WDR70: variants seen among roughly 807,000 people sequenced by gnomAD.
WDR70 encodes WD repeat-containing protein 70.
In WDR70, 53 loss-of-function variants were observed where a neutral mutation model predicts 88.6. The ratio of observed to expected loss-of-function variants is 0.60; its 90% confidence interval spans 0.48 to 0.75. The LOEUF (loss-of-function observed/expected upper bound fraction) is 0.75. WDR70 is among the 30% of genes least tolerant of loss of function. The pLI is 0.00. For synonymous variants in WDR70, 280 were observed against 270.0 expected (o/e 1.04, Z -0.36); for missense variants, 610 against 823.2 (o/e 0.74, Z 3.17).
intron 6 of WDR70, 108 bp downstream of exon 6, chr5:37,438,089 G>T: frequency 1.1e-6 from 1 of 901,936 alleles, no homozygotes. Context: ...ATCAACTGAT[G>T]ACATAAAAGC....
At chr5:37,388,896 A>C (rs1217151588) in intron 3 of WDR70, among the ~76,000 whole-genome samples, 3 of 152,054 alleles carry the variant, frequency 2.0e-5, no homozygotes, top group African/African-American at 7.2e-5. Context: ...CTATTAAAAA[A>C]ATAATAGTAA....
intron 10 of WDR70, among the ~76,000 whole-genome samples, chr5:37,639,170 A>G (rs2112538800): frequency 6.6e-6 from 1 of 152,294 alleles, no homozygotes; most frequent in East Asian, 1.9e-4. Context: ...TTTGAGTATT[A>G]TTCCTTTAAG....
intron 9 of WDR70, among the ~76,000 whole-genome samples, chr5:37,604,099 G>T (rs879281262): frequency 6.6e-6 from 1 of 151,898 alleles, no homozygotes; most frequent in Non-Finnish European, 1.5e-5. Context: ...TTTTACATTT[G>T]TAGTATTCTT....
At chr5:37,522,555 GAC>G (rs1350812844) in intron 9 of WDR70, among the ~76,000 whole-genome samples, 1 of 151,530 alleles carries the variant, frequency 6.6e-6, no homozygotes, top group African/African-American at 2.4e-5. Context: ...CAGTGTGAGT[GAC>G]ACAGAAGATG....
At chr5:37,670,485 C>T (rs553969476) in intron 10 of WDR70, among the ~76,000 whole-genome samples, 4 of 152,154 alleles carry the variant, frequency 2.6e-5, no homozygotes, top group Non-Finnish European at 5.9e-5. Flanking sequence ...ATAAAAAGAA[C>T]AGCAAAATTA....
At chr5:37,687,741 A>ATT in intron 10 of WDR70, among the ~76,000 whole-genome samples, 1 of 148,060 alleles carries the variant, frequency 6.8e-6, no homozygotes. Context: ...ATCTAGCAGA[A>ATT]TTTTTTTTTT....
At position 37,512,380 on chromosome 5, in the gene WDR70, C is replaced by T. The variant is rs185883792; in HGVS notation, c.841-4134C>T. Among the ~76,000 whole-genome samples the T allele has an allele frequency of 2.4e-3, 369 of 152,234 alleles. 2 individuals carry two copies. The highest frequency in any genetic ancestry group is 8.5e-3 in the African/African-American group (352 of 41,562). On this transcript the variant is annotated intron_variant, in intron 8 of 17. Transcript: ENST00000265107. ...GGGACTACAGGCACCTGCCACCACA[C>T]GTGGCTAATTTTTGTATTTTTTGTA... is the stretch of plus-strand genomic sequence containing the variant.
intron 6 of WDR70, among the ~76,000 whole-genome samples, chr5:37,441,715 G>A (rs1750659050): frequency 6.6e-6 from 1 of 151,808 alleles, no homozygotes; most frequent in South Asian, 2.1e-4. Flanking sequence ...CTACTTAGGA[G>A]GCTGAGGCAG....
At chr5:37,711,961 T>C (rs2112678798) in intron 13 of WDR70, among the ~76,000 whole-genome samples, 1 of 151,742 alleles carries the variant, frequency 6.6e-6, no homozygotes, top group East Asian at 1.9e-4. Context: ...AAAAATCAAT[T>C]TGGAATTTCA....
intron 9 of WDR70, among the ~76,000 whole-genome samples, chr5:37,521,701 T>TACACAC (rs1491440083): frequency 2.5e-5 from 2 of 81,484 alleles, no homozygotes; most frequent in African/African-American, 3.7e-5. Flanking sequence ...GTAGTCCAAG[T>TACACAC]ATACACACAC....
chr5:37,388,710 C>T (rs13160795), intron 3 of WDR70, among the ~76,000 whole-genome samples: 26,304 of 148,414 alleles, frequency 0.18, 2,810 homozygotes, highest in East Asian at 0.39. Context: ...ACTGCACTGA[C>T]GCCTGGTGAC....
At chr5:37,527,976 A>G (rs1400264795) in intron 9 of WDR70, among the ~76,000 whole-genome samples, 3 of 152,150 alleles carry the variant, frequency 2.0e-5, no homozygotes, top group South Asian at 2.1e-4. Flanking sequence ...AACTCAGGAA[A>G]CAATGGGTGC....
chr5:37,656,784 G>T (rs1472437483), intron 10 of WDR70, among the ~76,000 whole-genome samples: 1 of 152,158 alleles, frequency 6.6e-6, no homozygotes, highest in East Asian at 1.9e-4. Context: ...AATAATGGAG[G>T]ATGCCTCTCC....
intron 7 of WDR70, among the ~76,000 whole-genome samples, chr5:37,475,477 A>G (rs182511040): frequency 1.3e-5 from 2 of 152,152 alleles, no homozygotes; most frequent in South Asian, 2.1e-4. Context: ...ATCTCAGGTG[A>G]TCCAGCTGCC....
At chr5:37,585,137 C>G (rs1018772116) in intron 9 of WDR70, among the ~76,000 whole-genome samples, 1 of 151,588 alleles carries the variant, frequency 6.6e-6, no homozygotes, top group Non-Finnish European at 1.5e-5. Context: ...ATTACAGGTG[C>G]ACACCACCAC....
rs191782236 is a variant in WDR70 at position 37,725,144 on chromosome 5, C to T, written c.1714+94C>T. ...TGGGAAGGTCTTTTGGGCCTGGATG[C>T]TTCTTTGTCTTCAGAGAGATTTTAC... On this transcript the variant is annotated intron_variant, in intron 16 of 17. Coordinates refer to ENST00000265107, the MANE Select transcript of WDR70 (RefSeq NM_018034.4). 2.9e-5 allele frequency: 28 copies of T among 959,536 alleles called. No individual in the cohort carries two copies. In the East Asian group the frequency reaches 5.4e-4, roughly 18 times the overall value. The allele number at this position is 959,536 out of a possible 1,614,324, so 59.4% of individuals were successfully genotyped here.
At chr5:37,406,961 C>A (rs143234392) in intron 5 of WDR70, among the ~76,000 whole-genome samples, 1 of 152,054 alleles carries the variant, frequency 6.6e-6, no homozygotes, top group Non-Finnish European at 1.5e-5. Context: ...TATGACTCTA[C>A]CTGAAACAAA....
intron 13 of WDR70, among the ~76,000 whole-genome samples, chr5:37,705,552 T>C (rs1209410891): frequency 6.6e-6 from 1 of 152,122 alleles, no homozygotes; most frequent in Non-Finnish European, 1.5e-5. Flanking sequence ...CATTTTTCTG[T>C]TTATATATTA....
At chr5:37,652,349 G>A (rs940591583) in intron 10 of WDR70, among the ~76,000 whole-genome samples, 3 of 152,198 alleles carry the variant, frequency 2.0e-5, no homozygotes, top group African/African-American at 7.2e-5. Context: ...TAGTCTTGTA[G>A]TGTAGTTTGA....
Sources: gnomAD v4.1 joint callset for allele counts (sites outside exome capture counted in the v4.1 genomes callset) on GRCh38, gnomAD v4.1.1 for gene constraint, MANE v1.5 for transcripts, NCBI Gene and HGNC (gene_info 2026-07-23, HGNC 2026-07-21) for gene names.